The following TBCA variants were observed in gnomAD, a reference collection of about 807,000 sequenced individuals.
The protein encoded by TBCA is tubulin-specific chaperone A.
In TBCA, 6 loss-of-function variants were observed where a neutral mutation model predicts 15.8. That is an observed-to-expected ratio of 0.38 (90% confidence interval 0.21 to 0.75). The LOEUF is 0.75. Ranked by LOEUF, TBCA falls within the 30% of genes least tolerant of loss-of-function variation. TBCA has a pLI of 0.46. For synonymous variants in TBCA, 32 were observed against 42.3 expected (o/e 0.76, Z 0.94); for missense variants, 90 against 131.2 (o/e 0.69, Z 1.53).
At chr5:77,764,231 G>A (rs1269965837) in intron 1 of TBCA, among the ~76,000 whole-genome samples, 1 of 152,156 alleles carries the variant, frequency 6.6e-6, no homozygotes, top group African/African-American at 2.4e-5. Context: ...ATTAAAAATA[G>A]TAGTTACATC....
In TBCA at chr5:77,774,088, T is replaced by G. The variant is rs572588493; in HGVS notation, c.53+2117A>C. Among the ~76,000 whole-genome samples, 6 of 152,304 alleles carry G rather than the reference T, an allele frequency of 3.9e-5. No individual in the cohort carries two copies. The South Asian group carries it at 1.2e-3, about 32-fold the overall frequency. ...GGGGTCAGACATGTCTCATTACACA[T>G]TCCTCCCTTTGGAACTCAGGAACAA... On this transcript the variant is annotated intron_variant, in intron 1 of 3. Transcript: ENST00000380377.
chr5:77,730,087 C>T (rs1746730320), intron 1 of TBCA, among the ~76,000 whole-genome samples: 1 of 152,116 alleles, frequency 6.6e-6, no homozygotes, highest in Non-Finnish European at 1.5e-5. Flanking sequence ...TTCTGAAAGA[C>T]TCTATTCTTA....
intron 1 of TBCA, among the ~76,000 whole-genome samples, chr5:77,734,298 C>T (rs1746843003): frequency 6.6e-6 from 1 of 152,114 alleles, no homozygotes; most frequent in African/African-American, 2.4e-5. Flanking sequence ...GCTATTGCTG[C>T]CATAGACAGT....
At chr5:77,728,313 T>C (rs1746676298) in intron 1 of TBCA, among the ~76,000 whole-genome samples, 1 of 152,178 alleles carries the variant, frequency 6.6e-6, no homozygotes, top group African/African-American at 2.4e-5. Context: ...CTAAAGCTTA[T>C]ACATATGATT....
In TBCA at chr5:77,691,433, C is replaced by T. The variant is rs952764318; in HGVS notation, c.312G>A (p.Val104=). ...YKEARLVLDS[V]KLEA Reference sequence around the variant, plus strand: ...GAGAAAAGTTTCAGGCTTCTAACTTCACTGAATCCAGTACTAAACGTGCTT... The same window carrying T: ...GAGAAAAGTTTCAGGCTTCTAACTTTACTGAATCCAGTACTAAACGTGCTT... Residue 104 remains valine (V), a synonymous_variant, in exon 4 of 4, where the codon GTG becomes GTA. Coordinates refer to ENST00000380377, the MANE Select transcript of TBCA (RefSeq NM_004607.3). The T allele has an allele frequency of 1.9e-6, 3 of 1,596,768 alleles. No individual in the cohort carries two copies. Among genetic ancestry groups the T allele is most frequent in the Non-Finnish European group, 2.6e-6 (3 of 1,175,994 alleles).
At chr5:77,749,555 A>G (rs1747269423) in intron 1 of TBCA, among the ~76,000 whole-genome samples, 1 of 152,236 alleles carries the variant, frequency 6.6e-6, no homozygotes, top group Non-Finnish European at 1.5e-5. Flanking sequence ...CTTACAGTGT[A>G]ATTATTTCCA....
chr5:77,740,540 T>C (rs1170855771), intron 1 of TBCA, among the ~76,000 whole-genome samples: 1 of 152,192 alleles, frequency 6.6e-6, no homozygotes, highest in East Asian at 1.9e-4. Context: ...AGTACCATTG[T>C]CAGAGATAAG....
At chr5:77,703,960 G>A (rs77451046) in intron 2 of TBCA, among the ~76,000 whole-genome samples, 2,848 of 152,114 alleles carry the variant, frequency 0.019, 87 homozygotes, top group African/African-American at 0.066. Flanking sequence ...TTCAAAGTGC[G>A]GCACTTCCCA....
chr5:77,716,269 C>T (rs1780154727), intron 1 of TBCA, among the ~76,000 whole-genome samples: 1 of 152,104 alleles, frequency 6.6e-6, no homozygotes, highest in African/African-American at 2.4e-5. Context: ...AGATTGATAA[C>T]ACTGATGAAA....
chr5:77,691,634 T>C (rs1316215021), intron 3 of TBCA, 136 bp from the exon 4 acceptor site: 1 of 1,405,004 alleles, frequency 7.1e-7, no homozygotes, highest in East Asian at 2.8e-5. Context: ...CATCTAAATA[T>C]ATTGTAATTC....
intron 1 of TBCA, among the ~76,000 whole-genome samples, chr5:77,772,524 G>A (rs1275032147): frequency 6.6e-6 from 1 of 151,946 alleles, no homozygotes; most frequent in East Asian, 1.9e-4. Context: ...GTAGAAGATG[G>A]AAAGAGTCAT....
chr5:77,764,662 T>C (rs1747730615), intron 1 of TBCA, among the ~76,000 whole-genome samples: 1 of 152,254 alleles, frequency 6.6e-6, no homozygotes. Context: ...AAAATACTTT[T>C]AGCACTTGAA....
intron 1 of TBCA, among the ~76,000 whole-genome samples, chr5:77,775,390 G>A (rs1747997189): frequency 6.6e-6 from 1 of 152,110 alleles, no homozygotes; most frequent in Admixed American, 6.5e-5. Context: ...CTTTCTGGAG[G>A]GAACCAAGGT....
At chr5:77,731,799 T>C (rs924103976) in intron 1 of TBCA, among the ~76,000 whole-genome samples, 3 of 152,136 alleles carry the variant, frequency 2.0e-5, no homozygotes. Context: ...AGGTTTTACA[T>C]AGATAAGGAC....
chr5:77,750,961 G>T (rs1270058618), intron 1 of TBCA, among the ~76,000 whole-genome samples: 1 of 152,210 alleles, frequency 6.6e-6, no homozygotes, highest in East Asian at 1.9e-4. Flanking sequence ...TCAGTAGAAA[G>T]GAGTGTCTGG....
At chr5:77,762,151 A>G (rs1747658739) in intron 1 of TBCA, among the ~76,000 whole-genome samples, 1 of 152,234 alleles carries the variant, frequency 6.6e-6, no homozygotes, top group Non-Finnish European at 1.5e-5. Flanking sequence ...CATGAAAAGC[A>G]AAATTACTGT....
chr5:77,774,981 A>T (rs1006404714), intron 1 of TBCA, among the ~76,000 whole-genome samples: 6 of 4,020 alleles, frequency 1.5e-3, no homozygotes, highest in African/African-American at 2.5e-3. Context: ...TACAAAGATT[A>T]AAAAAAAAAA....
At chr5:77,701,533 C>T in intron 2 of TBCA, among the ~76,000 whole-genome samples, 1 of 151,664 alleles carries the variant, frequency 6.6e-6, no homozygotes, top group Non-Finnish European at 1.5e-5. Flanking sequence ...TTTGATCCAG[C>T]AATTCCTATT....
Position 77,776,203 on chromosome 5 carries a change from A to G in TBCA, c.53+2T>C. The G allele has an allele frequency of 2.6e-6, 4 of 1,565,122 alleles. No homozygotes were observed. The highest frequency in any genetic ancestry group is 3.5e-6 in the Non-Finnish European group (4 of 1,155,876). ...TGCAGGGCGCCGCTCCCGGCTCCTTACCGCTTCACCACGCCGGTCTTGATC... is the reference window on the plus strand; with the variant it reads ...TGCAGGGCGCCGCTCCCGGCTCCTTGCCGCTTCACCACGCCGGTCTTGATC... On this transcript the variant is annotated splice_donor_variant, in intron 1 of 3. Transcript: ENST00000380377. LOFTEE classifies it high-confidence loss of function.
Sources: gnomAD v4.1 joint callset for allele counts (sites outside exome capture counted in the v4.1 genomes callset) on GRCh38, gnomAD v4.1.1 for gene constraint, MANE v1.5 for transcripts, NCBI Gene and HGNC (gene_info 2026-07-23, HGNC 2026-07-21) for gene names.